The following CDH10 variants were observed in gnomAD, a reference collection of about 807,000 sequenced individuals.
The protein encoded by CDH10 is cadherin 10.
In CDH10, 30 loss-of-function variants were observed where a neutral mutation model predicts 73.1. The observed-to-expected ratio is 0.41, with a 90% CI of 0.31 to 0.56. The LOEUF (loss-of-function observed/expected upper bound fraction) is 0.56, where lower values mean the gene tolerates loss of function less well. Among genes scored for constraint, CDH10 ranks in the 20% least tolerant of loss-of-function variants. CDH10 has a pLI of 0.27. For missense variants in CDH10, 815 were observed against 973.7 expected (o/e 0.84, Z 2.17); for synonymous variants, 345 against 348.2 (o/e 0.99, Z 0.10).
chr5:24,487,581 C>A lies in CDH10; in HGVS notation c.*82G>T. The A allele has an allele frequency of 7.3e-7, 1 of 1,370,008 alleles. No homozygotes were observed. Among genetic ancestry groups the A allele is most frequent in the South Asian group, 1.5e-5 (1 of 67,916 alleles). The allele number at this position is 1,370,008 out of a possible 1,614,324, so 84.9% of individuals were successfully genotyped here. On this transcript the variant is annotated 3_prime_UTR_variant, in exon 12 of 12. Coordinates refer to ENST00000264463, the MANE Select transcript of CDH10 (RefSeq NM_006727.5). Reference sequence around the variant, plus strand: ...AATTGTGCTGACTGGCAGGAAAATGCTCCTGAATATCAAATATTGTGAAGT... The same window carrying A: ...AATTGTGCTGACTGGCAGGAAAATGATCCTGAATATCAAATATTGTGAAGT...
At chr5:24,636,978 C>T (rs1360744978) in intron 1 of CDH10, among the ~76,000 whole-genome samples, 1 of 151,948 alleles carries the variant, frequency 6.6e-6, no homozygotes, top group African/African-American at 2.4e-5. Context: ...TTGAACCAAA[C>T]TGTTAACTCT....
intron 11 of CDH10, 70 bp downstream of exon 11, chr5:24,491,506 A>G: frequency 7.1e-7 from 1 of 1,410,896 alleles, no homozygotes; most frequent in Non-Finnish European, 9.6e-7. Flanking sequence ...AGGGATTTTA[A>G]TAGCCACAAT....
At chr5:24,543,265 G>A (rs1296334501) in intron 2 of CDH10, among the ~76,000 whole-genome samples, 1 of 151,998 alleles carries the variant, frequency 6.6e-6, no homozygotes, top group Non-Finnish European at 1.5e-5. Flanking sequence ...ATTGATAATT[G>A]TTGGTATTTG....
intron 1 of CDH10, among the ~76,000 whole-genome samples, chr5:24,598,206 T>C (rs933601683): frequency 1.3e-5 from 2 of 151,994 alleles, no homozygotes; most frequent in Non-Finnish European, 2.9e-5. Context: ...CCATGTGAGA[T>C]AATTGAATCA....
chr5:24,604,435 A>G (rs578122785), intron 1 of CDH10, among the ~76,000 whole-genome samples: 1 of 152,348 alleles, frequency 6.6e-6, no homozygotes, highest in East Asian at 1.9e-4. Flanking sequence ...CACTACGCTG[A>G]AACTTTTGTC....
intron 2 of CDH10, among the ~76,000 whole-genome samples, chr5:24,539,328 T>C (rs1164605572): frequency 6.6e-6 from 1 of 152,062 alleles, no homozygotes; most frequent in Non-Finnish European, 1.5e-5. Context: ...GTTTATTTAA[T>C]TGAAAGGTTC....
chr5:24,561,022 G>C (rs1744942391), intron 2 of CDH10, among the ~76,000 whole-genome samples: 1 of 152,092 alleles, frequency 6.6e-6, no homozygotes, highest in Non-Finnish European at 1.5e-5. Context: ...AAATAGGAAT[G>C]ACAATCGTTG....
chr5:24,558,225 G>A (rs1396583115), intron 2 of CDH10, among the ~76,000 whole-genome samples: 1 of 151,426 alleles, frequency 6.6e-6, no homozygotes, highest in African/African-American at 2.4e-5. Flanking sequence ...CTGTAATGGA[G>A]GCTGTTTAAT....
In CDH10 at chr5:24,487,658, C is replaced by T. The variant is rs1205209283; in HGVS notation, c.*5G>A. On this transcript the variant is annotated 3_prime_UTR_variant, in exon 12 of 12. Transcript: ENST00000264463. Reference sequence around the variant, plus strand: ...CTCTTGTTTGAACAGAACATATATCCTACGTTAAGAGTCTTTGTCACTTTC... The same window carrying T: ...CTCTTGTTTGAACAGAACATATATCTTACGTTAAGAGTCTTTGTCACTTTC... 4 of 1,605,982 alleles carry T rather than the reference C, an allele frequency of 2.5e-6. No individual in the cohort carries two copies. The highest frequency in any genetic ancestry group is 1.7e-5 in the Admixed American group (1 of 59,416).
chr5:24,614,189 T>C (rs1301186231), intron 1 of CDH10, among the ~76,000 whole-genome samples: 1 of 152,154 alleles, frequency 6.6e-6, no homozygotes, highest in Non-Finnish European at 1.5e-5. Context: ...TTACTCTCTA[T>C]TGATAGGAAA....
At chr5:24,622,358 G>A (rs751134059) in intron 1 of CDH10, among the ~76,000 whole-genome samples, 1 of 152,158 alleles carries the variant, frequency 6.6e-6, no homozygotes. Flanking sequence ...AATTGGCAAG[G>A]AGGGAGAAGA....
intron 2 of CDH10, among the ~76,000 whole-genome samples, chr5:24,551,982 C>T (rs1579796991): frequency 6.6e-6 from 1 of 151,974 alleles, no homozygotes; most frequent in East Asian, 1.9e-4. Context: ...GGATTTTCTA[C>T]ATGGATTTTT....
intron 5 of CDH10, among the ~76,000 whole-genome samples, chr5:24,524,690 A>G (rs1256121552): frequency 6.6e-6 from 1 of 152,108 alleles, no homozygotes; most frequent in Non-Finnish European, 1.5e-5. Flanking sequence ...CAAAGGCATG[A>G]ATGTGAGAAG....
At chr5:24,613,068 T>G (rs1174063743) in intron 1 of CDH10, 2 of 152,054 alleles carry the variant, frequency 1.3e-5, no homozygotes, top group African/African-American at 2.4e-5. Flanking sequence ...TCTAGAGTAC[T>G]TCCATATAGA....
At chr5:24,522,067 G>C (rs2111818790) in intron 5 of CDH10, among the ~76,000 whole-genome samples, 1 of 152,236 alleles carries the variant, frequency 6.6e-6, no homozygotes. Flanking sequence ...CCAGGAGGCA[G>C]GAGTTTCAGT....
At chr5:24,525,760 T>G (rs1743507410) in intron 5 of CDH10, among the ~76,000 whole-genome samples, 1 of 152,056 alleles carries the variant, frequency 6.6e-6, no homozygotes, top group South Asian at 2.1e-4. Context: ...GCTTTGGGCA[T>G]TTAAGTTAAA....
At chr5:24,532,514 T>C (rs1743787083) in intron 5 of CDH10, among the ~76,000 whole-genome samples, 1 of 152,066 alleles carries the variant, frequency 6.6e-6, no homozygotes, top group African/African-American at 2.4e-5. Context: ...GGCCTGCTGC[T>C]GAGCTATCCA....
chr5:24,502,153 A>C (rs1250766558), intron 8 of CDH10, among the ~76,000 whole-genome samples: 2 of 151,838 alleles, frequency 1.3e-5, no homozygotes, highest in African/African-American at 4.8e-5. Context: ...CGATCACCTG[A>C]CCTCGTGATC....
chr5:24,624,771 A>G (rs1464261388), intron 1 of CDH10, among the ~76,000 whole-genome samples: 1 of 152,200 alleles, frequency 6.6e-6, no homozygotes, highest in East Asian at 1.9e-4. Flanking sequence ...CCATATGCTG[A>G]AATGCTCATC....
Sources: allele counts gnomAD v4.1 joint callset (sites outside exome capture counted in the v4.1 genomes callset), GRCh38; gene constraint gnomAD v4.1.1; transcripts MANE v1.5; gene names NCBI Gene and HGNC (gene_info 2026-07-23, HGNC 2026-07-21).